The following PPP1R12B variants were observed in gnomAD, a reference collection of about 807,000 sequenced individuals.
The protein encoded by PPP1R12B is protein phosphatase 1 regulatory subunit 12B, also known as myosin phosphatase target subunit 2.
In PPP1R12B, 76 loss-of-function variants were observed where a neutral mutation model predicts 126.1. That is an observed-to-expected ratio of 0.60 (90% CI 0.50 to 0.73). PPP1R12B has a LOEUF of 0.73. Ranked by LOEUF, PPP1R12B falls within the 30% of genes least tolerant of loss-of-function variation. The probability of loss-of-function intolerance (pLI) is 0.00; values close to 1 mark genes in which losing one functional copy is unlikely to be tolerated. For missense variants in PPP1R12B, 1,052 were observed against 1,205.1 expected, an observed-to-expected ratio of 0.87 and a Z score of 1.88; for synonymous variants, 356 against 434.7, an observed-to-expected ratio of 0.82 and a Z score of 2.25.
Position 202,451,892 on chromosome 1 carries a change from G to A in PPP1R12B, c.1850+2721G>A, listed in dbSNP as rs550812396. 4.4e-3 allele frequency among the ~76,000 whole-genome samples: 664 copies of A among 151,088 alleles called. 5 individuals carry two copies. Among genetic ancestry groups the A allele is most frequent in the African/African-American group, 0.015 (616 of 41,058 alleles). On this transcript the variant is annotated intron_variant, in intron 13 of 23. Coordinates refer to ENST00000608999, the MANE Select transcript of PPP1R12B (RefSeq NM_002481.4). ...GACGGGGTGGCTGCTGGGTGGAGAC[G>A]CTCCTCACTTCCCAGACGGGGTGGC...
intron 23 of PPP1R12B, among the ~76,000 whole-genome samples, chr1:202,573,623 G>GT (rs1252849310): frequency 6.6e-6 from 1 of 152,162 alleles, no homozygotes; most frequent in Non-Finnish European, 1.5e-5. Flanking sequence ...GATGGTCTCA[G>GT]TTTCGGGGCA....
At chr1:202,537,337 G>GA (rs1684648465) in intron 18 of PPP1R12B, among the ~76,000 whole-genome samples, 1 of 150,574 alleles carries the variant, frequency 6.6e-6, no homozygotes, top group Non-Finnish European at 1.5e-5. Flanking sequence ...CTGGGCGACA[G>GA]ACTGAGACTC....
intron 1 of PPP1R12B, among the ~76,000 whole-genome samples, chr1:202,359,744 C>A (rs1234712085): frequency 1.3e-5 from 2 of 152,144 alleles, no homozygotes; most frequent in Non-Finnish European, 2.9e-5. Flanking sequence ...GCGGAGCTTG[C>A]AGTGAGCTGA....
At position 202,493,192 on chromosome 1, in the gene PPP1R12B, C is replaced by A; in HGVS notation, c.2020C>A (p.Pro674Thr). The change falls in exon 15 of 24, where the codon CCT becomes ACT. Residue 674 changes from proline (P) to threonine (T), a missense_variant. Physicochemically the swap from Pro to Thr is conservative, Grantham distance 38 (BLOSUM62 -1). Transcript: ENST00000608999. ...SRAERQAQEQ[P>T]REKPTDTEGL... ...GGCAGAGAGGCAAGCTCAGGAGCAG[C>A]CTCGTGAGAAGCCCACAGACACTGA... 6.2e-7 allele frequency: 1 copy of A among 1,612,622 alleles called. No individual in the cohort carries two copies. The highest frequency in any genetic ancestry group is 2.2e-5 in the East Asian group (1 of 44,884).
chr1:202,547,975 T>G (rs1685824720), intron 18 of PPP1R12B, among the ~76,000 whole-genome samples: 1 of 152,248 alleles, frequency 6.6e-6, no homozygotes, highest in Admixed American at 6.5e-5. Context: ...CATTTACTCT[T>G]TGTCAGTGCT....
At chr1:202,493,078 G>A (rs1351041567) in intron 14 of PPP1R12B, 36 bp from the exon 15 acceptor site, 6 of 1,585,018 alleles carry the variant, frequency 3.8e-6, no homozygotes, top group Non-Finnish European at 5.2e-6. Flanking sequence ...TCCATGGTTA[G>A]TGTGAAACAG....
intron 1 of PPP1R12B, among the ~76,000 whole-genome samples, chr1:202,380,522 C>A (rs1217541229): frequency 1.3e-5 from 2 of 152,042 alleles, no homozygotes; most frequent in Admixed American, 1.3e-4. Context: ...GTTTCTTATC[C>A]ATTTTAGAGT....
intron 5 of PPP1R12B, among the ~76,000 whole-genome samples, chr1:202,427,483 G>T (rs1669686519): frequency 1.3e-5 from 2 of 152,180 alleles, no homozygotes; most frequent in Non-Finnish European, 2.9e-5. Context: ...GTTATTGTCT[G>T]TGGTGAGGTA....
chr1:202,570,711 G>C (rs1688510168), intron 23 of PPP1R12B, among the ~76,000 whole-genome samples: 1 of 152,082 alleles, frequency 6.6e-6, no homozygotes, highest in Admixed American at 6.6e-5. Context: ...TAATTTTTAA[G>C]AGATGGAGTC....
chr1:202,450,779 C>A (rs1475299117), intron 13 of PPP1R12B, among the ~76,000 whole-genome samples: 1 of 152,186 alleles, frequency 6.6e-6, no homozygotes, highest in Non-Finnish European at 1.5e-5. Flanking sequence ...GTGGTATCAT[C>A]TGAAGTCAGG....
chr1:202,532,427 C>T (rs1684052705), intron 18 of PPP1R12B, among the ~76,000 whole-genome samples: 1 of 152,202 alleles, frequency 6.6e-6, no homozygotes, highest in South Asian at 2.1e-4. Flanking sequence ...GCCTTATTTA[C>T]CCAGCCCGTA....
chr1:202,554,782 A>G (rs1268595061), intron 18 of PPP1R12B, among the ~76,000 whole-genome samples: 2 of 151,798 alleles, frequency 1.3e-5, no homozygotes, highest in Non-Finnish European at 2.9e-5. Context: ...AAGCTAATAA[A>G]CAACAGACTG....
chr1:202,541,245 A>G (rs1423473447), intron 18 of PPP1R12B, among the ~76,000 whole-genome samples: 5 of 151,874 alleles, frequency 3.3e-5, no homozygotes, highest in Admixed American at 6.6e-5. Context: ...TTTTCCCCCA[A>G]TTATTTTGTA....
chr1:202,493,893 A>G (rs1319278653), intron 15 of PPP1R12B, among the ~76,000 whole-genome samples: 1 of 152,230 alleles, frequency 6.6e-6, no homozygotes, highest in African/African-American at 2.4e-5. Flanking sequence ...TAAGGGGCTT[A>G]CAAAGCACTC....
At chr1:202,362,223 GT>G (rs1658347315) in intron 1 of PPP1R12B, among the ~76,000 whole-genome samples, 1 of 151,992 alleles carries the variant, frequency 6.6e-6, no homozygotes, top group Admixed American at 6.6e-5. Flanking sequence ...CAGCTTCACT[GT>G]TTTGTAATTA....
At chr1:202,476,725 A>G (rs1242656438) in intron 13 of PPP1R12B, among the ~76,000 whole-genome samples, 1 of 152,032 alleles carries the variant, frequency 6.6e-6, no homozygotes, top group East Asian at 1.9e-4. Context: ...ATATACTACA[A>G]GATACATCTA....
chr1:202,485,551 G>A (rs1374135271), intron 13 of PPP1R12B, among the ~76,000 whole-genome samples: 3 of 152,098 alleles, frequency 2.0e-5, no homozygotes, highest in Non-Finnish European at 4.4e-5. Context: ...ATTTGTGGTA[G>A]CAATGGGGAT....
intron 13 of PPP1R12B, among the ~76,000 whole-genome samples, chr1:202,461,283 C>T (rs1288258548): frequency 1.3e-5 from 2 of 151,908 alleles, no homozygotes; most frequent in African/African-American, 4.8e-5. Context: ...ACTCTTTCCT[C>T]ATATGTAAAA....
At chr1:202,485,501 G>C (rs1295098487) in intron 13 of PPP1R12B, among the ~76,000 whole-genome samples, 1 of 152,170 alleles carries the variant, frequency 6.6e-6, no homozygotes, top group Non-Finnish European at 1.5e-5. Flanking sequence ...TTCAGGGCCT[G>C]TGAGGACAGA....
Sources: gnomAD v4.1 joint callset for allele counts (sites outside exome capture counted in the v4.1 genomes callset) on GRCh38, gnomAD v4.1.1 for gene constraint, MANE v1.5 for transcripts, NCBI Gene and HGNC (gene_info 2026-07-23, HGNC 2026-07-21) for gene names.